ADGRE3: variants seen among roughly 807,000 people sequenced by gnomAD.
ADGRE3 encodes EGF-like module receptor 3.
Under a neutral mutation model 80.1 loss-of-function variants are expected in ADGRE3, and 88 were observed. That is an observed-to-expected ratio of 1.10 (90% CI 0.93 to 1.31). The LOEUF (loss-of-function observed/expected upper bound fraction) is 1.31. ADGRE3 is among the 40% of genes most tolerant of loss of function. ADGRE3 has a pLI of 0.00. For synonymous variants in ADGRE3, 281 were observed against 294.8 expected (o/e 0.95, Z 0.48); for missense variants, 715 against 776.5 (o/e 0.92, Z 0.94).
intron 4 of ADGRE3, among the ~76,000 whole-genome samples, chr19:14,659,324 C>T (rs7246764): frequency 0.34 from 51,076 of 151,880 alleles, 9,058 homozygotes; most frequent in African/African-American, 0.46. Context: ...ATTACAGGCG[C>T]GAGCCACCGT....
chr19:14,633,130 A>G (rs7249008), intron 12 of ADGRE3, 106 bp downstream of exon 12: 1 of 1,299,464 alleles, frequency 7.7e-7, no homozygotes, highest in Non-Finnish European at 1.1e-6. Flanking sequence ...TAGCAGGTGG[A>G]AAATCAAACC....
chr19:14,661,904 C>A, intron 4 of ADGRE3, 59 bp downstream of exon 4: 1 of 1,570,322 alleles, frequency 6.4e-7, no homozygotes, highest in South Asian at 1.1e-5. Context: ...CAAAACAAAA[C>A]AAACAAACAA....
chr19:14,664,604 G>A (rs1414554779), intron 2 of ADGRE3, among the ~76,000 whole-genome samples: 1 of 152,228 alleles, frequency 6.6e-6, no homozygotes, highest in South Asian at 2.1e-4. Context: ...AGCTACTCTG[G>A]AGGCTGAAGC....
chr19:14,660,281 G>A (rs1971907484), intron 4 of ADGRE3, among the ~76,000 whole-genome samples: 1 of 152,148 alleles, frequency 6.6e-6, no homozygotes, highest in Admixed American at 6.6e-5. Flanking sequence ...AACCCAGGTA[G>A]AATCACAGTC....
chr19:14,660,403 G>T (rs1971912031), intron 4 of ADGRE3, among the ~76,000 whole-genome samples: 1 of 152,160 alleles, frequency 6.6e-6, no homozygotes, highest in Admixed American at 6.5e-5. Flanking sequence ...AAGGCAGAAG[G>T]ATCGCTTGAG....
chr19:14,606,356 C>G, the ADGRE3 span, among the ~76,000 whole-genome samples: 6 of 141,862 alleles, frequency 4.2e-5, no homozygotes, highest in Non-Finnish European at 1.5e-5. Flanking sequence ...GTCTGGTTGA[C>G]AGAGTGAGAC....
In ADGRE3 at chr19:14,633,321, G is replaced by C; in HGVS notation, c.1485-19C>G. 6.3e-7 allele frequency: 1 copy of C among 1,581,706 alleles called. No homozygotes were observed. The highest frequency in any genetic ancestry group is 8.7e-7 in the Non-Finnish European group (1 of 1,154,636). ...CCAGCATCTAGGAACAGTGGGAAAA[G>C]AGATACAAAGAGAGATCAGAGAAAG... On this transcript the variant is annotated intron_variant, in intron 11 of 15. Transcript: ENST00000253673.
the ADGRE3 span, among the ~76,000 whole-genome samples, chr19:14,611,762 G>A: frequency 6.6e-6 from 1 of 152,258 alleles, no homozygotes. Context: ...AGCACTCTGG[G>A]AGACTGAGGT....
chr19:14,608,550 C>T, the ADGRE3 span, among the ~76,000 whole-genome samples: 25 of 151,372 alleles, frequency 1.7e-4, no homozygotes, highest in East Asian at 1.2e-3. Flanking sequence ...TCAGTCTTTT[C>T]GTAAAACTGC....
At chr19:14,618,923 G>A (rs2075100248), downstream of ADGRE3, among the ~76,000 whole-genome samples, 1 of 150,804 alleles carries the variant, frequency 6.6e-6, no homozygotes. Context: ...GATGGTTTGA[G>A]GGAATGAGTG....
the ADGRE3 span, chr19:14,609,924 C>T: frequency 6.4e-6 from 4 of 625,492 alleles, no homozygotes; most frequent in South Asian, 8.3e-5. Flanking sequence ...GCCCGGCTTA[C>T]AGGTGTAAGG....
chr19:14,650,949 TA>T, intron 7 of ADGRE3, 135 bp downstream of exon 7: 87 of 913,978 alleles, frequency 9.5e-5, no homozygotes, highest in Non-Finnish European at 1.0e-4. Context: ...TTTTTTTTTT[TA>T]AAGGGAAAAT....
At chr19:14,607,768 G>A in the ADGRE3 span, among the ~76,000 whole-genome samples, 2 of 151,232 alleles carry the variant, frequency 1.3e-5, no homozygotes, top group Admixed American at 6.6e-5. Flanking sequence ...TAGAGATGGG[G>A]TTTCACCATG....
the ADGRE3 span, among the ~76,000 whole-genome samples, chr19:14,604,646 C>A: frequency 2.0e-5 from 3 of 151,814 alleles, no homozygotes; most frequent in African/African-American, 7.3e-5. Context: ...GGCTGTAATC[C>A]CAGCTACTCA....
chr19:14,607,314 C>G, the ADGRE3 span, among the ~76,000 whole-genome samples: 1 of 151,060 alleles, frequency 6.6e-6, no homozygotes, highest in Non-Finnish European at 1.5e-5. Context: ...AAGGTATTCT[C>G]TGCCTCAGCC....
intron 1 of ADGRE3, 94 bp from the exon 2 acceptor site, chr19:14,668,946 C>T: frequency 1.6e-6 from 2 of 1,223,360 alleles, no homozygotes; most frequent in Non-Finnish European, 2.4e-6. Flanking sequence ...TTATCTATCA[C>T]TGTGTAACAA....
At chr19:14,654,360 C>T (rs1971693076) in intron 6 of ADGRE3, among the ~76,000 whole-genome samples, 1 of 151,362 alleles carries the variant, frequency 6.6e-6, no homozygotes. Context: ...AACTCCTGGA[C>T]TCAAGCCATC....
At chr19:14,671,653 C>T (rs750499627) in intron 1 of ADGRE3, among the ~76,000 whole-genome samples, 2 of 152,176 alleles carry the variant, frequency 1.3e-5, no homozygotes, top group Non-Finnish European at 2.9e-5. Flanking sequence ...ACCCTTCCCC[C>T]AAGAAGATGC....
intron 10 of ADGRE3, among the ~76,000 whole-genome samples, chr19:14,638,837 CT>C (rs1215719927): frequency 6.6e-6 from 1 of 152,144 alleles, no homozygotes; most frequent in Non-Finnish European, 1.5e-5. Flanking sequence ...TCTACTCCTA[CT>C]GTATTGCGTG....
Sources: gnomAD v4.1 joint callset for allele counts (sites outside exome capture counted in the v4.1 genomes callset) on GRCh38, gnomAD v4.1.1 for gene constraint, MANE v1.5 for transcripts, NCBI Gene and HGNC (gene_info 2026-07-23, HGNC 2026-07-21) for gene names.